The following DYSF variants were observed in gnomAD, a reference collection of about 807,000 sequenced individuals.
The protein encoded by DYSF is dystrophy-associated fer-1-like 1.
A neutral mutation model predicts 274.9 loss-of-function variants in DYSF; 212 were observed. The ratio of observed to expected loss-of-function variants is 0.77; its 90% CI spans 0.69 to 0.86. The LOEUF is 0.86. DYSF is among the 40% of genes least tolerant of loss of function. The probability of loss-of-function intolerance (pLI) is 0.00; values close to 1 mark genes in which losing one functional copy is unlikely to be tolerated. For synonymous variants in DYSF, 1,091 were observed against 1,078.7 expected (o/e 1.01, Z -0.22); for missense variants, 2,666 against 2,783.2 (o/e 0.96, Z 0.95).
At chr2:71,494,485 A>G (rs2084182283) in intron 3 of DYSF, among the ~76,000 whole-genome samples, 1 of 152,196 alleles carries the variant, frequency 6.6e-6, no homozygotes, top group Non-Finnish European at 1.5e-5. Flanking sequence ...ATGTCCCCCT[A>G]AACTTAGCAT....
At chr2:71,590,409 C>T (rs964078252) in intron 32 of DYSF, 121 bp downstream of exon 32, 43 of 1,072,802 alleles carry the variant, frequency 4.0e-5, no homozygotes, top group Admixed American at 9.1e-5. Context: ...GTGCTGTCAC[C>T]AGGGTCCTGT....
chr2:71,642,745 C>T (rs561836693), intron 41 of DYSF, among the ~76,000 whole-genome samples: 1 of 152,212 alleles, frequency 6.6e-6, no homozygotes, highest in African/African-American at 2.4e-5. Context: ...AGAACCTCAT[C>T]CTACCGTCTC....
intron 40 of DYSF, among the ~76,000 whole-genome samples, chr2:71,618,934 C>A (rs2094020784): frequency 6.6e-6 from 1 of 151,812 alleles, no homozygotes; most frequent in South Asian, 2.1e-4. Flanking sequence ...GGCGCTGGGG[C>A]TGGGGCTAAT....
At chr2:71,651,796 T>A (rs2094667963) in intron 42 of DYSF, among the ~76,000 whole-genome samples, 1 of 152,154 alleles carries the variant, frequency 6.6e-6, no homozygotes, top group South Asian at 2.1e-4. Flanking sequence ...ATTAAAATAA[T>A]GTCATGATAA....
intron 52 of DYSF, among the ~76,000 whole-genome samples, chr2:71,674,695 C>G (rs1379876728): frequency 6.6e-6 from 1 of 152,202 alleles, no homozygotes; most frequent in African/African-American, 2.4e-5. Context: ...GTGTGACCGA[C>G]TGAGTGAACA....
At position 71,553,860 on chromosome 2, in the gene DYSF, T is replaced by A. The variant is rs765027098; in HGVS notation, c.2038T>A (p.Ser680Thr). Residue 680 changes from serine to threonine, a missense_variant, in exon 21 of 56, where the codon TCA (serine) becomes ACA (threonine). Coordinates refer to ENST00000410020, the MANE Select transcript of DYSF (RefSeq NM_001130987.2). ...TAACGTGAAACCTGTGGTGGTGCTG[T>A]CATCCTACTGGGAGGACATCAGCCA... Reference protein sequence around the residue: ...WGNVKPVVVLSSYWEDISHRI... With the variant: ...WGNVKPVVVLTSYWEDISHRI... 34 of 1,612,388 alleles carry A rather than the reference T, an allele frequency of 2.1e-5. No homozygotes were observed. The highest frequency in any genetic ancestry group is 4.0e-5 in the African/African-American group (3 of 74,780).
chr2:71,569,976 G>T, intron 27 of DYSF, 42 bp downstream of exon 27: 1 of 1,559,262 alleles, frequency 6.4e-7, no homozygotes, highest in Non-Finnish European at 8.8e-7. Context: ...TAGACATTTG[G>T]TCTCTGGAGG....
At chr2:71,511,476 A>G (rs2086089216) in intron 4 of DYSF, among the ~76,000 whole-genome samples, 1 of 152,130 alleles carries the variant, frequency 6.6e-6, no homozygotes, top group Non-Finnish European at 1.5e-5. Context: ...ACATCAACTA[A>G]TTTGCTCCAC....
At chr2:71,672,482 C>T (rs1455311993) in intron 51 of DYSF, among the ~76,000 whole-genome samples, 3 of 152,210 alleles carry the variant, frequency 2.0e-5, no homozygotes, top group African/African-American at 4.8e-5. Context: ...TCCTTTCATC[C>T]GGCGGCTTTG....
chr2:71,489,188 T>C (rs1013612757), intron 3 of DYSF, among the ~76,000 whole-genome samples: 9 of 152,194 alleles, frequency 5.9e-5, no homozygotes, highest in African/African-American at 2.2e-4. Flanking sequence ...CACTGCTGCC[T>C]TGCTCTTGTT....
At chr2:71,453,583 A>G in exon 1 of DYSF, 1 of 323,822 alleles carries the variant, frequency 3.1e-6, no homozygotes, top group Non-Finnish European at 6.1e-6. Context: ...GATCTGGGCT[A>G]CGCCGGGCGC....
chr2:71,536,556 G>A (rs1227980010), intron 16 of DYSF, among the ~76,000 whole-genome samples: 2 of 152,262 alleles, frequency 1.3e-5, no homozygotes, highest in Non-Finnish European at 2.9e-5. Context: ...GTCTCTGCGT[G>A]TTTGCGCATG....
At chr2:71,549,739 G>A (rs1179934621) in intron 17 of DYSF, among the ~76,000 whole-genome samples, 2 of 152,038 alleles carry the variant, frequency 1.3e-5, no homozygotes, top group Middle Eastern at 3.2e-3. Context: ...GGTGTTTCAG[G>A]GGCCAGGAGG....
chr2:71,615,030 A>G lies in DYSF; in HGVS notation c.4464+1620A>G, dbSNP rs2093851434. ...TCCATGGGCCTGTCTGAGATTGTGC[A>G]GGGAAGTGCAGGGCCTGCCCAGCAG... On this transcript the variant is annotated intron_variant, in intron 40 of 55. Transcript: ENST00000410020. The surrounding 1 kb of genome is among the most constrained non-coding windows in gnomAD (Gnocchi z 4.9). 6.6e-6 allele frequency among the ~76,000 whole-genome samples: 1 copy of G among 152,146 alleles called. No individual in the cohort carries two copies. Among genetic ancestry groups the G allele is most frequent in the South Asian group, 2.1e-4 (1 of 4,836 alleles).
chr2:71,586,111 T>C (rs2093058300), intron 30 of DYSF, among the ~76,000 whole-genome samples: 2 of 151,980 alleles, frequency 1.3e-5, no homozygotes, highest in African/African-American at 4.8e-5. Flanking sequence ...GGGGTGGCCT[T>C]CCCTCTGCTC....
intron 51 of DYSF, among the ~76,000 whole-genome samples, chr2:71,672,252 C>A (rs574542850): frequency 5.7e-4 from 87 of 152,110 alleles, no homozygotes; most frequent in Admixed American, 1.8e-3. Context: ...GTGAAGGGAC[C>A]CTGGGAGGCA....
At chr2:71,483,763 C>A (rs1032349734) in intron 3 of DYSF, among the ~76,000 whole-genome samples, 1 of 152,120 alleles carries the variant, frequency 6.6e-6, no homozygotes, top group African/African-American at 2.4e-5. Context: ...GATTGGGCAA[C>A]TTTCTTGAAG....
At chr2:71,606,969 T>C (rs1645202716) in intron 36 of DYSF, among the ~76,000 whole-genome samples, 1 of 152,196 alleles carries the variant, frequency 6.6e-6, no homozygotes, top group Non-Finnish European at 1.5e-5. Flanking sequence ...TCCCCTTCAG[T>C]TATCCATTCA....
chr2:71,644,680 T>G (rs2152925408), intron 42 of DYSF, among the ~76,000 whole-genome samples: 1 of 152,256 alleles, frequency 6.6e-6, no homozygotes, highest in East Asian at 1.9e-4. Context: ...TTGAGGAAAT[T>G]ATACAAATAT....
Sources: gnomAD v4.1 joint callset for allele counts (sites outside exome capture counted in the v4.1 genomes callset) on GRCh38, gnomAD v4.1.1 for gene constraint, Gnocchi (gnomAD v3.1) non-coding constraint, MANE v1.5 for transcripts, NCBI Gene and HGNC (gene_info 2026-07-23, HGNC 2026-07-21) for gene names.